KCNH7: variants seen among roughly 807,000 people sequenced by gnomAD.
KCNH7 encodes voltage-gated inwardly rectifying potassium channel KCNH7.
A neutral mutation model predicts 120.8 loss-of-function variants in KCNH7; 49 were observed. The ratio of observed to expected loss-of-function variants is 0.41; its 90% confidence interval spans 0.32 to 0.51. The LOEUF (loss-of-function observed/expected upper bound fraction) is 0.51, where lower values mean the gene tolerates loss of function less well. Ranked by LOEUF, KCNH7 falls within the 20% of genes least tolerant of loss-of-function variation. The pLI is 0.38. For missense variants in KCNH7, 1,097 were observed against 1,446.6 expected (o/e 0.76, Z 3.92); for synonymous variants, 547 against 516.1 (o/e 1.06, Z -0.81).
chr2:162,462,299 G>A (rs1689169416), intron 6 of KCNH7, among the ~76,000 whole-genome samples: 2 of 152,216 alleles, frequency 1.3e-5, no homozygotes, highest in South Asian at 2.1e-4. Flanking sequence ...GTCCTGGGAT[G>A]TACTGGTGGG....
chr2:162,782,573 TAA>T (rs1323263009), intron 2 of KCNH7, among the ~76,000 whole-genome samples: 2 of 152,102 alleles, frequency 1.3e-5, no homozygotes, highest in African/African-American at 4.8e-5. Flanking sequence ...AGAGACCAAA[TAA>T]AGAGTCCAAC....
chr2:162,391,836 A>G (rs776622997), intron 12 of KCNH7, among the ~76,000 whole-genome samples: 5 of 152,094 alleles, frequency 3.3e-5, no homozygotes, highest in South Asian at 4.1e-4. Context: ...TAAGACAAAC[A>G]TAAGAGATGA....
intron 2 of KCNH7, among the ~76,000 whole-genome samples, chr2:162,719,045 C>A (rs1687232497): frequency 6.6e-6 from 1 of 151,994 alleles, no homozygotes; most frequent in African/African-American, 2.4e-5. Flanking sequence ...AGTTAGGTGA[C>A]ACAAGCTCTT....
At chr2:162,383,829 T>C (rs988689649) in intron 13 of KCNH7, among the ~76,000 whole-genome samples, 12 of 151,930 alleles carry the variant, frequency 7.9e-5, no homozygotes, top group Non-Finnish European at 1.3e-4. Context: ...GTTATCTTAA[T>C]AACCATAACC....
chr2:162,517,596 C>T (rs893989430), intron 4 of KCNH7, 134 bp downstream of exon 4: 15 of 721,926 alleles, frequency 2.1e-5, no homozygotes, highest in Non-Finnish European at 3.3e-5. Flanking sequence ...GTGTAGGACT[C>T]AGGTTTTTAA....
Position 162,401,039 on chromosome 2 carries a change from C to T in KCNH7, c.2155-598G>A, listed in dbSNP as rs551176241. ...GATAAGCACTGAAAATAGAGAAAGGCGAGGAGAACAGCAAAGACACTTTAA... is the reference window on the plus strand; with the variant it reads ...GATAAGCACTGAAAATAGAGAAAGGTGAGGAGAACAGCAAAGACACTTTAA... On this transcript the variant is annotated intron_variant, in intron 9 of 15. Coordinates refer to ENST00000332142, the MANE Select transcript of KCNH7 (RefSeq NM_033272.4). 3.8e-4 allele frequency among the ~76,000 whole-genome samples: 57 copies of T among 151,824 alleles called. 1 individual carries two copies. The highest frequency in any genetic ancestry group is 1.8e-3 in the Admixed American group (27 of 15,224).
chr2:162,420,589 A>G (rs1339389440), intron 9 of KCNH7, among the ~76,000 whole-genome samples: 1 of 152,172 alleles, frequency 6.6e-6, no homozygotes, highest in African/African-American at 2.4e-5. Flanking sequence ...ATTAAAGGAT[A>G]TGGCCACTCT....
chr2:162,451,859 C>T (rs914868012), intron 6 of KCNH7, among the ~76,000 whole-genome samples: 9 of 152,088 alleles, frequency 5.9e-5, no homozygotes, highest in East Asian at 3.9e-4. Context: ...TCACTTGTGC[C>T]ATATTCTATT....
chr2:162,522,058 A>C (rs1209338239), intron 3 of KCNH7, among the ~76,000 whole-genome samples: 2 of 151,910 alleles, frequency 1.3e-5, no homozygotes, highest in Non-Finnish European at 2.9e-5. Flanking sequence ...AATCTGCGCA[A>C]ATAAGATTAA....
intron 6 of KCNH7, among the ~76,000 whole-genome samples, chr2:162,476,213 C>A (rs1307042179): frequency 1.3e-5 from 2 of 152,108 alleles, no homozygotes; most frequent in African/African-American, 4.8e-5. Flanking sequence ...GAAATAATGC[C>A]CTTAAACTTT....
At chr2:162,388,273 C>T (rs1039903635) in intron 12 of KCNH7, among the ~76,000 whole-genome samples, 3 of 151,660 alleles carry the variant, frequency 2.0e-5, no homozygotes, top group African/African-American at 7.3e-5. Context: ...TTCTGGAGCT[C>T]TATTCTACAG....
intron 13 of KCNH7, among the ~76,000 whole-genome samples, chr2:162,383,195 C>T (rs905194244): frequency 6.6e-6 from 1 of 151,894 alleles, no homozygotes; most frequent in African/African-American, 2.4e-5. Context: ...AACAAGCATT[C>T]TTATTAGGTT....
chr2:162,478,769 T>C (rs1436481192), intron 6 of KCNH7, among the ~76,000 whole-genome samples: 3 of 152,184 alleles, frequency 2.0e-5, no homozygotes, highest in African/African-American at 7.2e-5. Context: ...TTGATGTTTC[T>C]GGCACTAATT....
intron 15 of KCNH7, among the ~76,000 whole-genome samples, chr2:162,372,567 T>G (rs1198459938): frequency 1.3e-5 from 2 of 150,990 alleles, no homozygotes; most frequent in African/African-American, 5.0e-5. Flanking sequence ...TTCCCAGTCA[T>G]TCAAAACTAG....
At chr2:162,762,900 C>A (rs1689015178) in intron 2 of KCNH7, among the ~76,000 whole-genome samples, 1 of 151,916 alleles carries the variant, frequency 6.6e-6, no homozygotes, top group Admixed American at 6.6e-5. Flanking sequence ...TCAATATATT[C>A]TATGAAATTA....
At chr2:162,729,429 A>G (rs1216358438) in intron 2 of KCNH7, among the ~76,000 whole-genome samples, 1 of 151,830 alleles carries the variant, frequency 6.6e-6, no homozygotes. Context: ...CTTTTTCCAT[A>G]GTTGTTTTAG....
At chr2:162,698,000 C>T (rs1686352094) in intron 2 of KCNH7, among the ~76,000 whole-genome samples, 1 of 152,054 alleles carries the variant, frequency 6.6e-6, no homozygotes. Context: ...AAAATTAATG[C>T]TGCCCCACTA....
intron 3 of KCNH7, among the ~76,000 whole-genome samples, chr2:162,534,827 C>T (rs1460235063): frequency 2.0e-5 from 3 of 151,616 alleles, no homozygotes; most frequent in Admixed American, 2.0e-4. Flanking sequence ...AGATCAATCT[C>T]CCTATTGGAT....
intron 2 of KCNH7, among the ~76,000 whole-genome samples, chr2:162,711,912 T>C (rs1447169417): frequency 2.0e-5 from 3 of 152,072 alleles, no homozygotes; most frequent in Non-Finnish European, 4.4e-5. Flanking sequence ...GCAATAGATA[T>C]GAAAGGATAA....
Sources: gnomAD v4.1 joint callset for allele counts (sites outside exome capture counted in the v4.1 genomes callset) on GRCh38, gnomAD v4.1.1 for gene constraint, MANE v1.5 for transcripts, NCBI Gene and HGNC (gene_info 2026-07-23, HGNC 2026-07-21) for gene names.